The following SPICE1 variants were observed in gnomAD, a reference collection of about 807,000 sequenced individuals.
SPICE1 encodes spindle and centriole associated protein 1.
In SPICE1, 75 loss-of-function variants were observed where a neutral mutation model predicts 102.7. That is an observed-to-expected ratio of 0.73 (90% CI 0.61 to 0.88). The LOEUF (loss-of-function observed/expected upper bound fraction) is 0.88. Among genes scored for constraint, SPICE1 ranks in the 40% least tolerant of loss-of-function variants. The pLI is 0.00. For missense variants in SPICE1, 979 were observed against 1,020.1 expected, an observed-to-expected ratio of 0.96 and a Z score of 0.55; for synonymous variants, 308 against 350.3, an observed-to-expected ratio of 0.88 and a Z score of 1.35.
intron 3 of SPICE1, 24 bp downstream of exon 3, chr3:113,503,156 C>G (rs1553770551): frequency 9.4e-6 from 15 of 1,602,640 alleles, no homozygotes; most frequent in Non-Finnish European, 1.3e-5. Flanking sequence ...GAATAAATGA[C>G]TTAAGTTTTG....
chr3:113,473,405 G>T (rs2107470957), intron 7 of SPICE1, among the ~76,000 whole-genome samples: 1 of 152,236 alleles, frequency 6.6e-6, no homozygotes, highest in African/African-American at 2.4e-5. Flanking sequence ...AGCAAGGCAG[G>T]CCAACATTCA....
chr3:113,476,981 A>G (rs1169709154), intron 7 of SPICE1, among the ~76,000 whole-genome samples: 1 of 152,232 alleles, frequency 6.6e-6, no homozygotes, highest in Non-Finnish European at 1.5e-5. Context: ...AGGAACTACC[A>G]TCAGAGTGAA....
In SPICE1 at chr3:113,499,662, C is replaced by T. The variant is rs548324445; in HGVS notation, c.148-80G>A. 1.5e-4 allele frequency: 206 copies of T among 1,346,432 alleles called. No individual in the cohort carries two copies. The African/African-American group carries it at 2.8e-3, about 19-fold the overall frequency. The allele number at this position is 1,346,432 out of a possible 1,614,324, so 83.4% of individuals were successfully genotyped here. On this transcript the variant is annotated intron_variant, in intron 3 of 17. Coordinates refer to ENST00000295872, the MANE Select transcript of SPICE1 (RefSeq NM_144718.4). ...TATTCAGATGATGAGATCACCTACT[C>T]TAGTTCATCACTTTTTAAACTTTTT...
intron 7 of SPICE1, among the ~76,000 whole-genome samples, chr3:113,478,065 A>G (rs1936404059): frequency 6.6e-6 from 1 of 152,058 alleles, no homozygotes; most frequent in South Asian, 2.1e-4. Flanking sequence ...GTATATATGC[A>G]AAGGTAACCA....
chr3:113,489,860 A>C (rs998173827), intron 6 of SPICE1, among the ~76,000 whole-genome samples: 1 of 151,438 alleles, frequency 6.6e-6, no homozygotes, highest in Admixed American at 6.6e-5. Flanking sequence ...AAAAAAAAAA[A>C]AAAAAAAAAC....
chr3:113,476,334 A>T (rs1936346006), intron 7 of SPICE1, among the ~76,000 whole-genome samples: 1 of 151,480 alleles, frequency 6.6e-6, no homozygotes, highest in Non-Finnish European at 1.5e-5. Flanking sequence ...AGGAAGAATC[A>T]CTATCGTGAA....
chr3:113,492,714 A>G (rs1936792404), intron 6 of SPICE1, among the ~76,000 whole-genome samples: 1 of 152,192 alleles, frequency 6.6e-6, no homozygotes, highest in Admixed American at 6.5e-5. Flanking sequence ...AGTCCCATTT[A>G]ACAAAAAACG....
intron 7 of SPICE1, among the ~76,000 whole-genome samples, chr3:113,485,666 A>C (rs770302031): frequency 4.0e-4 from 61 of 152,268 alleles, no homozygotes; most frequent in Non-Finnish European, 6.2e-4. Flanking sequence ...TCAGACTTAA[A>C]CATCTATGCC....
At chr3:113,470,564 T>C (rs1457380603) in intron 7 of SPICE1, among the ~76,000 whole-genome samples, 1 of 152,232 alleles carries the variant, frequency 6.6e-6, no homozygotes, top group Non-Finnish European at 1.5e-5. Context: ...GGAAGGGTGC[T>C]AGACTCAAAA....
At chr3:113,486,880 T>C (rs1936661109) in intron 7 of SPICE1, among the ~76,000 whole-genome samples, 1 of 149,808 alleles carries the variant, frequency 6.7e-6, no homozygotes, top group African/African-American at 2.4e-5. Context: ...TATATATATA[T>C]ATATCTGCTT....
At chr3:113,451,160 T>C (rs1484022323) in intron 14 of SPICE1, among the ~76,000 whole-genome samples, 1 of 152,178 alleles carries the variant, frequency 6.6e-6, no homozygotes, top group Non-Finnish European at 1.5e-5. Flanking sequence ...TTGGCAAAGA[T>C]TCTGGGAATC....
intron 7 of SPICE1, among the ~76,000 whole-genome samples, chr3:113,484,512 T>G (rs560567978): frequency 1.3e-5 from 2 of 152,008 alleles, no homozygotes; most frequent in South Asian, 4.2e-4. Context: ...CTTGTGGGCA[T>G]TTAGTGCTAT....
At chr3:113,478,716 A>G (rs1441124377) in intron 7 of SPICE1, among the ~76,000 whole-genome samples, 1 of 152,194 alleles carries the variant, frequency 6.6e-6, no homozygotes, top group Non-Finnish European at 1.5e-5. Flanking sequence ...TAAGGATACA[A>G]AAGTATTCAA....
chr3:113,459,575 C>A, intron 12 of SPICE1: 1 of 985,328 alleles, frequency 1.0e-6, no homozygotes, highest in Non-Finnish European at 1.2e-6. Context: ...TAACATATTC[C>A]TTGACTGAGA....
At chr3:113,497,335 G>A (rs1166338969) in intron 4 of SPICE1, among the ~76,000 whole-genome samples, 1 of 152,170 alleles carries the variant, frequency 6.6e-6, no homozygotes, top group African/African-American at 2.4e-5. Context: ...AAAACATATA[G>A]GAGGGTATTT....
At chr3:113,461,290 TATAG>T (rs1935928228) in intron 11 of SPICE1, among the ~76,000 whole-genome samples, 1 of 151,810 alleles carries the variant, frequency 6.6e-6, no homozygotes, top group Non-Finnish European at 1.5e-5. Flanking sequence ...TATATATGTA[TATAG>T]ATATTCTCAT....
At chr3:113,495,647 G>C (rs1311537971) in intron 4 of SPICE1, among the ~76,000 whole-genome samples, 2 of 152,108 alleles carry the variant, frequency 1.3e-5, no homozygotes, top group East Asian at 3.9e-4. Flanking sequence ...TCAGAATTTT[G>C]CTATAACTTA....
intron 15 of SPICE1, chr3:113,450,118 A>G: frequency 1.8e-6 from 1 of 556,504 alleles, no homozygotes; most frequent in Admixed American, 3.0e-5. Context: ...ACCAAAGATT[A>G]ACTATAGGCA....
At chr3:113,511,779 T>G (rs1313812765) in intron 1 of SPICE1, among the ~76,000 whole-genome samples, 1 of 152,022 alleles carries the variant, frequency 6.6e-6, no homozygotes, top group Non-Finnish European at 1.5e-5. Flanking sequence ...AAACAAAATT[T>G]AAAAATATTA....
Sources: gnomAD v4.1 joint callset for allele counts (sites outside exome capture counted in the v4.1 genomes callset) on GRCh38, gnomAD v4.1.1 for gene constraint, MANE v1.5 for transcripts, NCBI Gene and HGNC (gene_info 2026-07-23, HGNC 2026-07-21) for gene names.